The following GLIS1 variants were observed in gnomAD, a reference collection of about 807,000 sequenced individuals.
The protein encoded by GLIS1 is zinc finger protein GLIS1.
In GLIS1, 24 loss-of-function variants were observed where a neutral mutation model predicts 63.8. That is an observed-to-expected ratio of 0.38 (90% CI 0.27 to 0.53). The LOEUF is 0.53. GLIS1 is among the 20% of genes least tolerant of loss of function. The pLI is 0.85. For synonymous variants in GLIS1, 450 were observed against 482.5 expected, an observed-to-expected ratio of 0.93 and a Z score of 0.88; for missense variants, 1,036 against 1,074.1, an observed-to-expected ratio of 0.96 and a Z score of 0.50.
chr1:53,528,690 C>T (rs1644496663), intron 5 of GLIS1, among the ~76,000 whole-genome samples: 3 of 152,144 alleles, frequency 2.0e-5, no homozygotes, highest in African/African-American at 4.8e-5. Flanking sequence ...CAGCTCTGAC[C>T]TCTGCTGTCT....
chr1:53,510,125 C>T, intron 8 of GLIS1, 98 bp from the exon 9 acceptor site: 8 of 588,046 alleles, frequency 1.4e-5, no homozygotes, highest in Non-Finnish European at 1.8e-5. Flanking sequence ...CGACGGGGAG[C>T]CCACTCACCA....
intron 2 of GLIS1, among the ~76,000 whole-genome samples, chr1:53,698,662 G>A (rs1010920888): frequency 1.3e-5 from 2 of 152,206 alleles, no homozygotes; most frequent in Non-Finnish European, 2.9e-5. Flanking sequence ...CGAGGCTGCT[G>A]CCAGAAGAGA....
rs534473602 is a variant in GLIS1 at position 53,514,190 on chromosome 1, T to A, written c.1883+435A>T. Among the ~76,000 whole-genome samples, 34 of 152,152 alleles carry A rather than the reference T, an allele frequency of 2.2e-4. 1 individual carries two copies. The South Asian group carries it at 7.0e-3, about 32-fold the overall frequency. On this transcript the variant is annotated intron_variant, in intron 8 of 10. Coordinates refer to ENST00000628545, the MANE Select transcript of GLIS1 (RefSeq NM_001367484.1). ...ATGCCCCAGCTGCAGTGGCTGGAGG[T>A]GGGCGTGGGGCCCAGACCAGCGTCT...
chr1:53,661,870 A>G (rs577756541), intron 2 of GLIS1, among the ~76,000 whole-genome samples: 5 of 152,286 alleles, frequency 3.3e-5, no homozygotes, highest in African/African-American at 1.2e-4. Context: ...CATTCAACCC[A>G]GGACTGCCAA....
chr1:53,690,814 G>A (rs1401193891), intron 2 of GLIS1, among the ~76,000 whole-genome samples: 1 of 152,204 alleles, frequency 6.6e-6, no homozygotes, highest in Non-Finnish European at 1.5e-5. Context: ...GTCCAAGGGT[G>A]TGGCTGGAGC....
chr1:53,531,723 C>T (rs1383256806), intron 4 of GLIS1, among the ~76,000 whole-genome samples: 1 of 152,178 alleles, frequency 6.6e-6, no homozygotes, highest in Non-Finnish European at 1.5e-5. Context: ...GGGCTGTGGC[C>T]ACACAGAGGA....
intron 3 of GLIS1, among the ~76,000 whole-genome samples, chr1:53,595,978 G>C (rs187659880): frequency 6.6e-6 from 1 of 152,366 alleles, no homozygotes; most frequent in Admixed American, 6.5e-5. Context: ...ATGGGAGCAC[G>C]TGGGTTTGAG....
intron 2 of GLIS1, among the ~76,000 whole-genome samples, chr1:53,668,168 G>A (rs1253652681): frequency 6.6e-6 from 1 of 152,210 alleles, no homozygotes; most frequent in Non-Finnish European, 1.5e-5. Flanking sequence ...TTTAACAGCA[G>A]TAGACACTTC....
In GLIS1 at chr1:53,514,764, T is replaced by A; in HGVS notation, c.1744A>T (p.Ile582Phe). The A allele has an allele frequency of 6.2e-7, 1 of 1,600,350 alleles. No individual in the cohort carries two copies. Reference sequence around the variant, plus strand: ...GATGCAAGTCCGTTATGGGGGGTGATGGAGCCAGGATACACACCTGCAGGG... The same window carrying A: ...GATGCAAGTCCGTTATGGGGGGTGAAGGAGCCAGGATACACACCTGCAGGG... ...ELLPGVYPGS[I>F]TPHNGLASGL... The change falls in exon 8 of 11, where the codon ATC (isoleucine) becomes TTC (phenylalanine). Residue 582 changes from isoleucine (I) to phenylalanine (F), a missense_variant. By Grantham distance (21) the Ile-to-Phe change is conservative (BLOSUM62 0). This residue lies in a region of GLIS1 where 400 missense variants were observed against 400.9 expected (regional missense o/e 1.00). Coordinates refer to ENST00000628545, the MANE Select transcript of GLIS1 (RefSeq NM_001367484.1).
intron 2 of GLIS1, among the ~76,000 whole-genome samples, chr1:53,632,013 A>T (rs769545415): frequency 6.6e-6 from 1 of 151,582 alleles, no homozygotes; most frequent in Non-Finnish European, 1.5e-5. Context: ...CGTGTGAATG[A>T]GTGTGACTGA....
At chr1:53,736,367 G>A (rs1029733454) in intron 2 of GLIS1, among the ~76,000 whole-genome samples, 3 of 152,214 alleles carry the variant, frequency 2.0e-5, no homozygotes, top group Non-Finnish European at 4.4e-5. Context: ...GTTCGGGAGA[G>A]CTGTTTGCTA....
intron 4 of GLIS1, among the ~76,000 whole-genome samples, chr1:53,575,985 C>T (rs1472200782): frequency 6.6e-6 from 1 of 152,128 alleles, no homozygotes; most frequent in African/African-American, 2.4e-5. Context: ...AGTCATCACT[C>T]CACACCGTGC....
intron 2 of GLIS1, among the ~76,000 whole-genome samples, chr1:53,724,595 C>T (rs1005821787): frequency 6.6e-6 from 1 of 152,154 alleles, no homozygotes; most frequent in African/African-American, 2.4e-5. Context: ...CTACAGTTCA[C>T]TGCATCCTTG....
In GLIS1 at chr1:53,577,074, G is replaced by A. The variant is rs532806070; in HGVS notation, c.1320+17034C>T. On this transcript the variant is annotated intron_variant, in intron 4 of 10. Coordinates refer to ENST00000628545, the MANE Select transcript of GLIS1 (RefSeq NM_001367484.1). ...CTTCCTCCCTCCCCCAATAAATGCT[G>A]ATGTCCCCTGTGGGTGCTCTCTAGC... Among the ~76,000 whole-genome samples, 150 of 149,080 alleles carry A rather than the reference G, an allele frequency of 1.0e-3. 1 individual carries two copies. The highest frequency in any genetic ancestry group is 1.9e-3 in the Non-Finnish European group (131 of 67,472).
chr1:53,551,039 T>C lies in GLIS1; in HGVS notation c.1321-21087A>G, dbSNP rs555690034. 3.9e-5 allele frequency among the ~76,000 whole-genome samples: 6 copies of C among 152,096 alleles called. No individual in the cohort carries two copies. In the East Asian group the frequency reaches 7.8e-4, roughly 20 times the overall value. On this transcript the variant is annotated intron_variant, in intron 4 of 10. Coordinates refer to ENST00000628545, the MANE Select transcript of GLIS1 (RefSeq NM_001367484.1). ...CTAATATTTATATTTTTAGTAGAGA[T>C]GGGGTTTCACCATGTTAGGCCGGTT...
chr1:53,640,180 T>C (rs939225125), intron 2 of GLIS1, among the ~76,000 whole-genome samples: 23 of 152,144 alleles, frequency 1.5e-4, no homozygotes, highest in Non-Finnish European at 3.2e-4. Context: ...GTACCATGCC[T>C]GGCATCACTG....
At chr1:53,714,204 GTCAT>G (rs919269811) in intron 2 of GLIS1, among the ~76,000 whole-genome samples, 104 of 152,338 alleles carry the variant, frequency 6.8e-4, no homozygotes, top group African/African-American at 2.4e-3. Flanking sequence ...TCGCCAACAA[GTCAT>G]TCATCTTCTG....
At chr1:53,660,253 C>T (rs1024871135) in intron 2 of GLIS1, among the ~76,000 whole-genome samples, 2 of 152,160 alleles carry the variant, frequency 1.3e-5, no homozygotes, top group East Asian at 3.9e-4. Flanking sequence ...GCTCATTTCA[C>T]CCCCACCTCC....
At chr1:53,563,367 C>T (rs1212330276) in intron 4 of GLIS1, among the ~76,000 whole-genome samples, 1 of 152,218 alleles carries the variant, frequency 6.6e-6, no homozygotes, top group Non-Finnish European at 1.5e-5. Flanking sequence ...AAAACATTAG[C>T]AAGTAACGAG....
Sources: gnomAD v4.1 joint callset for allele counts (sites outside exome capture counted in the v4.1 genomes callset) on GRCh38, gnomAD v4.1.1 for gene constraint, gnomAD v4.1.1 regional missense constraint, MANE v1.5 for transcripts, NCBI Gene and HGNC (gene_info 2026-07-23, HGNC 2026-07-21) for gene names.